RIN2: variants seen among roughly 807,000 people sequenced by gnomAD.
RIN2 encodes the protein RAB5 interacting protein 2.
In RIN2, 36 loss-of-function variants were observed where a neutral mutation model predicts 78.0. The observed-to-expected ratio is 0.46, with a 90% CI of 0.35 to 0.61. The LOEUF (loss-of-function observed/expected upper bound fraction) is 0.61, where lower values mean the gene tolerates loss of function less well. Ranked by LOEUF, RIN2 falls within the 20% of genes least tolerant of loss-of-function variation. The pLI is 0.00. For missense variants in RIN2, 1,087 were observed against 1,159.7 expected (o/e 0.94, Z 0.91); for synonymous variants, 466 against 466.8 (o/e 1.00, Z 0.02).
intron 1 of RIN2, among the ~76,000 whole-genome samples, chr20:19,780,607 C>T (rs1426829474): frequency 6.6e-6 from 1 of 152,184 alleles, no homozygotes; most frequent in African/African-American, 2.4e-5. Context: ...AAGAATATGA[C>T]TGGTGCTGAA....
chr20:19,855,848 G>A (rs941302454), intron 2 of RIN2, among the ~76,000 whole-genome samples: 87 of 152,250 alleles, frequency 5.7e-4, no homozygotes, highest in East Asian at 3.9e-4. Flanking sequence ...GGCCAAGGCG[G>A]GTGGATCACA....
intron 3 of RIN2, among the ~76,000 whole-genome samples, chr20:19,930,818 C>T (rs1202609900): frequency 6.6e-6 from 1 of 152,254 alleles, no homozygotes; most frequent in Admixed American, 6.5e-5. Flanking sequence ...CATTTTCATA[C>T]ACACCACCCT....
intron 2 of RIN2, among the ~76,000 whole-genome samples, chr20:19,853,081 G>A (rs1271909046): frequency 4.4e-5 from 6 of 135,636 alleles, no homozygotes; most frequent in African/African-American, 1.4e-4. Context: ...CCCTTCCTGT[G>A]TCCATGTGTT....
At chr20:19,967,257 A>G (rs2041968993) in intron 7 of RIN2, among the ~76,000 whole-genome samples, 1 of 152,242 alleles carries the variant, frequency 6.6e-6, no homozygotes, top group African/African-American at 2.4e-5. Context: ...TAAGGTACTT[A>G]CAGGAAAACT....
intron 9 of RIN2, among the ~76,000 whole-genome samples, chr20:19,985,696 A>AC (rs899995754): frequency 1.3e-5 from 2 of 152,064 alleles, no homozygotes; most frequent in Admixed American, 6.6e-5. Flanking sequence ...ACATAGTGAG[A>AC]CCCCCAGCAT....
At chr20:19,759,589 G>T (rs1435317003) in intron 1 of RIN2, among the ~76,000 whole-genome samples, 1 of 152,086 alleles carries the variant, frequency 6.6e-6, no homozygotes, top group Non-Finnish European at 1.5e-5. Context: ...CATAGGCCGG[G>T]TGCAGTGGCT....
chr20:19,988,445 T>G (rs943274647), intron 9 of RIN2, among the ~76,000 whole-genome samples: 5 of 152,192 alleles, frequency 3.3e-5, no homozygotes, highest in African/African-American at 1.2e-4. Flanking sequence ...TGATCTTATA[T>G]GTAAGTGGAC....
chr20:19,867,388 T>C lies in RIN2; in HGVS notation c.-36-22178T>C, dbSNP rs59450499. Among the ~76,000 whole-genome samples the C allele has an allele frequency of 8.9e-3, 1,360 of 152,354 alleles. 18 individuals carry two copies. Among genetic ancestry groups the C allele is most frequent in the African/African-American group, 0.031 (1,298 of 41,586 alleles). ...AATACTTTAATCTGTTGCCCATATT[T>C]CAGTTTTTCCAATTATCCCAATAAT... On this transcript the variant is annotated intron_variant, in intron 2 of 12. Coordinates refer to ENST00000255006, the MANE Select transcript of RIN2 (RefSeq NM_018993.4).
intron 1 of RIN2, among the ~76,000 whole-genome samples, chr20:19,778,396 TTGTG>T (rs774453236): frequency 2.6e-5 from 4 of 152,228 alleles, no homozygotes; most frequent in Non-Finnish European, 5.9e-5. Context: ...GCACTGTTAG[TTGTG>T]TGTGAGGCAC....
chr20:19,924,937 C>T (rs1181604740), intron 3 of RIN2, among the ~76,000 whole-genome samples: 3 of 150,502 alleles, frequency 2.0e-5, no homozygotes, highest in Admixed American at 2.0e-4. Flanking sequence ...TAGGGTTTCT[C>T]CAAGTTGGTC....
chr20:19,843,453 C>T (rs1452848655), intron 2 of RIN2, among the ~76,000 whole-genome samples: 2 of 152,200 alleles, frequency 1.3e-5, no homozygotes, highest in Non-Finnish European at 2.9e-5. Context: ...CAGCCATCAA[C>T]ATCAAGGCAA....
At chr20:19,812,558 G>A (rs1279776032) in intron 2 of RIN2, among the ~76,000 whole-genome samples, 1 of 152,110 alleles carries the variant, frequency 6.6e-6, no homozygotes, top group Admixed American at 6.5e-5. Flanking sequence ...GTGTTGGGTT[G>A]TTTTTCTCCT....
rs546362066 is a variant in RIN2 at position 19,791,883 on chromosome 20, C to A, written c.-162-7739C>A. 3.3e-5 allele frequency among the ~76,000 whole-genome samples: 5 copies of A among 152,278 alleles called. No individual in the cohort carries two copies. The South Asian group carries it at 1.0e-3, about 32-fold the overall frequency. ...TCAGGCAACAGGTAAGGAATAAAGT[C>A]ATCTAAACTTACCTAAAATGTTCAT... On this transcript the variant is annotated intron_variant, in intron 1 of 12. Coordinates refer to ENST00000255006, the MANE Select transcript of RIN2 (RefSeq NM_018993.4).
At chr20:19,976,264 C>T (rs1181641455) in intron 9 of RIN2, among the ~76,000 whole-genome samples, 1 of 152,200 alleles carries the variant, frequency 6.6e-6, no homozygotes, top group Non-Finnish European at 1.5e-5. Context: ...TGAGTTTCCA[C>T]CGCAAGCTTA....
At chr20:19,781,057 A>G (rs1013527435) in intron 1 of RIN2, among the ~76,000 whole-genome samples, 14 of 152,318 alleles carry the variant, frequency 9.2e-5, no homozygotes, top group Middle Eastern at 3.4e-3. Context: ...TAATGCAGGG[A>G]TCCAGGCTGT....
At chr20:19,786,512 C>A (rs2034683166) in intron 1 of RIN2, among the ~76,000 whole-genome samples, 1 of 152,214 alleles carries the variant, frequency 6.6e-6, no homozygotes, top group African/African-American at 2.4e-5. Context: ...GTTCCAGTTC[C>A]AGTTACCATC....
In RIN2 at chr20:19,990,155, G is replaced by C; in HGVS notation, c.1912G>C (p.Glu638Gln). The change falls in exon 10 of 13, where the codon GAG (glutamate) becomes CAG (glutamine). Residue 638 changes from glutamate to glutamine, a missense_variant. Physicochemically the swap from Glu to Gln is conservative, Grantham distance 29 (BLOSUM62 2). This residue lies in a region of RIN2 where 97 missense variants were observed against 104.8 expected (regional missense o/e 0.93). Coordinates refer to ENST00000255006, the MANE Select transcript of RIN2 (RefSeq NM_018993.4). ...LQLVRQRNPQELGVFAPTPDF... is the reference protein window; with the variant it reads ...LQLVRQRNPQQLGVFAPTPDF... ...GCTTGTGCGGCAGAGGAATCCGCAG[G>C]AGCTGGGGGTCTTCGCCCCGACCCC... 1 of 1,603,932 alleles carries C rather than the reference G, an allele frequency of 6.2e-7. No homozygotes were observed. The highest frequency in any genetic ancestry group is 2.2e-5 in the East Asian group (1 of 44,508).
intron 3 of RIN2, among the ~76,000 whole-genome samples, chr20:19,914,351 A>G (rs2039597474): frequency 6.6e-6 from 1 of 152,208 alleles, no homozygotes; most frequent in Admixed American, 6.5e-5. Flanking sequence ...GTGTGAGTTG[A>G]CAATGACTCA....
chr20:19,849,676 G>A (rs1279726540), intron 2 of RIN2, among the ~76,000 whole-genome samples: 1 of 152,164 alleles, frequency 6.6e-6, no homozygotes, highest in African/African-American at 2.4e-5. Context: ...GGTGTCCTGT[G>A]TTCAGTTTTA....
Sources: gnomAD v4.1 joint callset for allele counts (sites outside exome capture counted in the v4.1 genomes callset) on GRCh38, gnomAD v4.1.1 for gene constraint, gnomAD v4.1.1 regional missense constraint, MANE v1.5 for transcripts, NCBI Gene and HGNC (gene_info 2026-07-23, HGNC 2026-07-21) for gene names.